ABI3BP: variants seen among roughly 807,000 people sequenced by gnomAD.
ABI3BP encodes ABI family member 3 binding protein, also known as target of Nesh-SH3.
Under a neutral mutation model 268.6 loss-of-function variants are expected in ABI3BP, and 216 were observed. That is an observed-to-expected ratio of 0.80 (90% CI 0.72 to 0.90). ABI3BP has a LOEUF of 0.90. ABI3BP is among the 40% of genes least tolerant of loss of function. The pLI, the probability that ABI3BP is intolerant of heterozygous loss-of-function variation, is 0.00. For missense variants in ABI3BP, 2,090 were observed against 2,182.4 expected, an observed-to-expected ratio of 0.96 and a Z score of 0.84; for synonymous variants, 730 against 730.0, an observed-to-expected ratio of 1.00 and a Z score of 0.00.
intron 6 of ABI3BP, among the ~76,000 whole-genome samples, chr3:100,882,941 G>C (rs1255196608): frequency 6.6e-6 from 1 of 152,090 alleles, no homozygotes; most frequent in Non-Finnish European, 1.5e-5. Context: ...GATTTTTCTA[G>C]AAGAGGATGA....
intron 1 of ABI3BP, 87 bp downstream of exon 1, chr3:100,993,218 TG>T: frequency 1.0e-6 from 1 of 955,710 alleles, no homozygotes; most frequent in Non-Finnish European, 1.6e-6. Context: ...TCCCCCCGTA[TG>T]GTAAAGCAGA....
chr3:100,795,090 T>G (rs1157133463), intron 53 of ABI3BP, 87 bp from the exon 54 acceptor site: 1 of 812,944 alleles, frequency 1.2e-6, no homozygotes, highest in Non-Finnish European at 1.8e-6. Flanking sequence ...ATTCCTTCAT[T>G]TGAAGTAGAA....
At chr3:100,875,475 T>C (rs774157522) in intron 8 of ABI3BP, 33 bp downstream of exon 8, 158 of 1,477,902 alleles carry the variant, frequency 1.1e-4, no homozygotes, top group Admixed American at 2.6e-4. Context: ...CCCGATTTGC[T>C]TAATCTCGGC....
chr3:100,806,243 T>G (rs2097702565), intron 50 of ABI3BP, among the ~76,000 whole-genome samples: 1 of 152,094 alleles, frequency 6.6e-6, no homozygotes, highest in Non-Finnish European at 1.5e-5. Flanking sequence ...TGAACAAAAT[T>G]TGTTGCGCTT....
chr3:100,928,905 C>T (rs2576377), intron 1 of ABI3BP, among the ~76,000 whole-genome samples: 131,752 of 152,060 alleles, frequency 0.87, 57,183 homozygotes, highest in East Asian at 1. Context: ...GTGCCAACTG[C>T]TAGTGTTTTG....
At chr3:100,780,304 GA>G (rs2096830706) in intron 57 of ABI3BP, 95 bp from the exon 58 acceptor site, 1 of 1,155,872 alleles carries the variant, frequency 8.7e-7, no homozygotes, top group Non-Finnish European at 1.3e-6. Flanking sequence ...ATTCTTTGCA[GA>G]GCAGGAGCAT....
At chr3:100,880,219 G>T (rs554103611) in intron 6 of ABI3BP, among the ~76,000 whole-genome samples, 3 of 152,140 alleles carry the variant, frequency 2.0e-5, no homozygotes, top group African/African-American at 7.2e-5. Flanking sequence ...AGCCCCGCAG[G>T]CTCCCACACT....
In ABI3BP at chr3:100,851,871, A is replaced by G; in HGVS notation, c.1351+4T>C. The stretch of plus-strand genomic sequence containing the variant: ...CAAAGACAGAATTGAGAGGCCAGAT[A>G]TACCTGTGTAGGAATCTGATATCTC... On this transcript the variant is annotated splice_donor_region_variant and intron_variant, in intron 15 of 67. Coordinates refer to ENST00000471714, the MANE Select transcript of ABI3BP (RefSeq NM_001375547.2). The G allele has an allele frequency of 6.3e-7, 1 of 1,591,478 alleles. No individual in the cohort carries two copies. Among genetic ancestry groups the G allele is most frequent in the Non-Finnish European group, 8.6e-7 (1 of 1,169,344 alleles).
intron 6 of ABI3BP, among the ~76,000 whole-genome samples, chr3:100,877,847 C>T (rs935260890): frequency 6.6e-6 from 1 of 152,186 alleles, no homozygotes; most frequent in Non-Finnish European, 1.5e-5. Context: ...AAATCCCTTA[C>T]AAGGGCAAAC....
intron 50 of ABI3BP, among the ~76,000 whole-genome samples, chr3:100,806,834 T>A (rs1017434583): frequency 1.3e-5 from 2 of 151,778 alleles, no homozygotes; most frequent in Non-Finnish European, 2.9e-5. Context: ...TGGCTAAAAG[T>A]CTAAGTCAAA....
Position 100,750,588 on chromosome 3 carries a change from CT to C in ABI3BP, c.5267del (p.Gln1756ArgfsTer9). The C allele has an allele frequency of 6.2e-7, 1 of 1,612,570 alleles. No individual in the cohort carries two copies. Among genetic ancestry groups the C allele is most frequent in the Non-Finnish European group, 8.5e-7 (1 of 1,179,162 alleles). On this transcript the variant is annotated frameshift_variant, in exon 68 of 68. Transcript: ENST00000471714. LOFTEE classifies it high-confidence loss of function. ...CTATTTCTCCAAATTGGACAGGTTC[CT>C]GGCGAACTGCTCTGAAATAACCTGA... is the stretch of plus-strand genomic sequence containing the variant. The part of the protein sequence containing the change: ...IKEGYFRAVR[Q>X]EPVQFGEIGG...
intron 59 of ABI3BP, among the ~76,000 whole-genome samples, chr3:100,777,188 T>C (rs760088772): frequency 1.3e-5 from 2 of 152,178 alleles, no homozygotes; most frequent in Non-Finnish European, 2.9e-5. Flanking sequence ...TGACATCCAC[T>C]CCCTTTCATG....
rs777868691 is a variant in ABI3BP, at chr3:100,792,710, T to C, written c.4005A>G (p.Glu1335=). The change falls in exon 55 of 68, where the codon GAA becomes GAG. Residue 1335 remains glutamate (E), a synonymous_variant. Transcript: ENST00000471714. ...GATTACCCTGAGTTGTCTTTGCTAG[T>C]TCAGTTGTTCGTGGAATCTTAGTTG... The part of the protein sequence containing the change: ...PFTTKIPRTT[E]LAKTTQAPHR... 1 of 1,611,632 alleles carries C rather than the reference T, an allele frequency of 6.2e-7. No individual in the cohort carries two copies. Among genetic ancestry groups the C allele is most frequent in the Non-Finnish European group, 8.5e-7 (1 of 1,178,338 alleles).
At chr3:100,947,301 A>G (rs2072928522) in intron 1 of ABI3BP, among the ~76,000 whole-genome samples, 1 of 152,168 alleles carries the variant, frequency 6.6e-6, no homozygotes, top group East Asian at 1.9e-4. Context: ...CATTATTAAA[A>G]TTTCCTCATC....
At chr3:100,756,776 GTTT>G (rs66981610) in intron 63 of ABI3BP, among the ~76,000 whole-genome samples, 8 of 130,670 alleles carry the variant, frequency 6.1e-5, no homozygotes, top group Admixed American at 7.9e-5. Context: ...TACTTTTTGG[GTTT>G]TTTTTTTTTT....
chr3:100,754,855 C>G (rs934858387), intron 63 of ABI3BP, among the ~76,000 whole-genome samples, 164 bp from the exon 64 acceptor site: 5 of 152,102 alleles, frequency 3.3e-5, no homozygotes. Context: ...AAAATGATTT[C>G]TTAGTTTTAC....
rs181714772 is a variant in ABI3BP at position 100,972,279 on chromosome 3, T to C, written c.79+21027A>G. ...AATTTTTATGTGAAAAACCCCTCTG[T>C]ACTGAAAGGGATCTGCAAATAAACT... is the stretch of plus-strand genomic sequence containing the variant. On this transcript the variant is annotated intron_variant, in intron 1 of 67. Coordinates refer to ENST00000471714, the MANE Select transcript of ABI3BP (RefSeq NM_001375547.2). 3.9e-5 allele frequency among the ~76,000 whole-genome samples: 6 copies of C among 152,326 alleles called. No homozygotes were observed. The East Asian group carries it at 1.2e-3, about 29-fold the overall frequency.
At chr3:100,968,841 C>A (rs998180027) in intron 1 of ABI3BP, among the ~76,000 whole-genome samples, 1 of 152,048 alleles carries the variant, frequency 6.6e-6, no homozygotes, top group African/African-American at 2.4e-5. Flanking sequence ...CCTCCCCTAG[C>A]CCCCCACCCA....
At chr3:100,840,971 A>AAGCTTCACCATTTATATT in intron 21 of ABI3BP, 113 bp from the exon 22 acceptor site, 1 of 816,322 alleles carries the variant, frequency 1.2e-6, no homozygotes, top group Non-Finnish European at 1.9e-6. Flanking sequence ...GCAAATATAA[A>AAGCTTCACCATTTATATT]TGGTGAAGCT....
Sources: gnomAD v4.1 joint callset for allele counts (sites outside exome capture counted in the v4.1 genomes callset) on GRCh38, gnomAD v4.1.1 for gene constraint, MANE v1.5 for transcripts, NCBI Gene and HGNC (gene_info 2026-07-23, HGNC 2026-07-21) for gene names.